The following MOGS variants were observed in gnomAD, a reference collection of about 807,000 sequenced individuals.
MOGS encodes the protein epididymis secretory sperm binding protein.
Under a neutral mutation model 68.5 loss-of-function variants are expected in MOGS, and 45 were observed. The ratio of observed to expected loss-of-function variants is 0.66; its 90% CI spans 0.52 to 0.84. The LOEUF is 0.84. Among genes scored for constraint, MOGS ranks in the 40% least tolerant of loss-of-function variants. The pLI is 0.00. For synonymous variants in MOGS, 492 were observed against 461.2 expected (o/e 1.07, Z -0.86); for missense variants, 1,020 against 1,095.0 (o/e 0.93, Z 0.97).
In MOGS at chr2:74,461,773, G is replaced by A. The variant is rs753542237; in HGVS notation, c.2016C>T (p.Leu672=). The change falls in exon 4 of 4, where the codon CTC becomes CTT. Residue 672 remains leucine (L), a synonymous_variant. Coordinates refer to ENST00000448666, the MANE Select transcript of MOGS (RefSeq NM_006302.3). ...VQLKPRPPQG[L]VRVVGRPQPQ... is the part of the protein sequence containing the mutation. ...GTTGGGGCCGACCCACCACCCGAAC[G>A]AGCCCCTGAGGGGGCCTGGGCTTCA... is the stretch of plus-strand genomic sequence containing the variant. 35 of 1,614,074 alleles carry A rather than the reference G, an allele frequency of 2.2e-5. No homozygotes were observed. The highest frequency in any genetic ancestry group is 6.7e-5 in the East Asian group (3 of 44,900).
intron 2 of MOGS, among the ~76,000 whole-genome samples, chr2:74,463,985 GT>G (rs1209292279): frequency 7.2e-6 from 1 of 139,390 alleles, no homozygotes; most frequent in Non-Finnish European, 1.5e-5. Context: ...TTGAGATGGA[GT>G]TTTGCTCTTG....
At position 74,461,804 on chromosome 2, in the gene MOGS, A is replaced by G; in HGVS notation, c.1985T>C (p.Val662Ala). The G allele has an allele frequency of 2.5e-6, 4 of 1,614,192 alleles. No individual in the cohort carries two copies. Among genetic ancestry groups the G allele is most frequent in the South Asian group, 1.1e-5 (1 of 91,086 alleles). ...FADFGNHTKA[V>A]QLKPRPPQGL... ...CTGAGGGGGCCTGGGCTTCAGCTGT[A>G]CTGCTTTTGTGTGGTTCCCAAAGTC... is the stretch of plus-strand genomic sequence containing the variant. The change falls in exon 4 of 4, where the codon GTA (valine) becomes GCA (alanine). Residue 662 changes from valine to alanine, a missense_variant. Val to Ala is a moderately conservative substitution (Grantham distance 64). This residue lies in a region of MOGS where 270 missense variants were observed against 261.3 expected (regional missense o/e 1.03). Coordinates refer to ENST00000448666, the MANE Select transcript of MOGS (RefSeq NM_006302.3).
Position 74,465,065 on chromosome 2 carries a change from C to G in MOGS, c.183G>C (p.Trp61Cys). ...GCCGCGCACGGTACCACGCCAGCAC[C>G]CAGCGCCCCGACATACCCAGGGCCA... Reference protein sequence around the residue: ...LSLALGMSGRWVLAWYRARRA... With the variant: ...LSLALGMSGRCVLAWYRARRA... The change falls in exon 1 of 4, where the codon TGG (tryptophan) becomes TGC (cysteine). Residue 61 changes from tryptophan to cysteine, a missense_variant. Around this residue, in one of 3 missense-constraint regions of MOGS, gnomAD observed 569 missense variants for 571.9 expected, o/e 0.99. Coordinates refer to ENST00000448666, the MANE Select transcript of MOGS (RefSeq NM_006302.3). 1 of 1,555,996 alleles carries G rather than the reference C, an allele frequency of 6.4e-7. No homozygotes were observed. Among genetic ancestry groups the G allele is most frequent in the Non-Finnish European group, 8.7e-7 (1 of 1,151,558 alleles).
intron 1 of MOGS, 45 bp from the exon 2 acceptor site, chr2:74,464,767 C>G (rs1183933156): frequency 1.3e-5 from 20 of 1,586,670 alleles, no homozygotes; most frequent in Non-Finnish European, 1.6e-5. Flanking sequence ...GGGGACCTGT[C>G]CCTCCGGGTC....
intron 1 of MOGS, 34 bp from the exon 2 acceptor site, chr2:74,464,756 A>AG: frequency 1.1e-5 from 18 of 1,598,448 alleles, no homozygotes; most frequent in Non-Finnish European, 1.5e-5. Context: ...GTCAAAGAGC[A>AG]GGGGACCTGT....
In MOGS at chr2:74,463,015, T is replaced by C; in HGVS notation, c.777-3A>G. ...TGGAGGTCCAGAAGACATTGTAGCTTGAAGGGGAGAAGATAAATAGGAAAT... is the reference window on the plus strand; with the variant it reads ...TGGAGGTCCAGAAGACATTGTAGCTCGAAGGGGAGAAGATAAATAGGAAAT... On this transcript the variant is annotated splice_polypyrimidine_tract_variant and splice_region_variant and intron_variant, in intron 3 of 3. Transcript: ENST00000448666. 6.2e-7 allele frequency: 1 copy of C among 1,613,890 alleles called. No individual in the cohort carries two copies. The highest frequency in any genetic ancestry group is 8.5e-7 in the Non-Finnish European group (1 of 1,179,996).
In MOGS at chr2:74,463,094, A is replaced by G; in HGVS notation, c.777-82T>C. 4 of 1,610,158 alleles carry G rather than the reference A, an allele frequency of 2.5e-6. No homozygotes were observed. In the Admixed American group the frequency reaches 5.0e-5, roughly 20 times the overall value. On this transcript the variant is annotated intron_variant, in intron 3 of 3. Coordinates refer to ENST00000448666, the MANE Select transcript of MOGS (RefSeq NM_006302.3). ...TAAAGAGAAATACAAAGTGTTCAGGAGTCAGGTTGGGAGGTCTCAGGCAGG... is the reference window on the plus strand; with the variant it reads ...TAAAGAGAAATACAAAGTGTTCAGGGGTCAGGTTGGGAGGTCTCAGGCAGG...
In MOGS at chr2:74,463,251, C is replaced by T. The variant is rs1063588; in HGVS notation, c.715G>A (p.Asp239Asn). The change falls in exon 3 of 4, where the codon GAC becomes AAC. Residue 239 changes from aspartate (D) to asparagine (N), a missense_variant. Physicochemically the swap from Asp to Asn is conservative, Grantham distance 23. Coordinates refer to ENST00000448666, the MANE Select transcript of MOGS (RefSeq NM_006302.3). The stretch of plus-strand genomic sequence containing the variant: ...GGTGGCAAAAGTGTAAAGCGGAAGT[C>T]ACCAAGTTCACTGGTGTGCCCACTG... Reference protein sequence around the residue: ...FISGHTSELGDFRFTLLPPTS... With the variant: ...FISGHTSELGNFRFTLLPPTS... The T allele has an allele frequency of 0.2, 320,491 of 1,613,850 alleles. 55,428 individuals are homozygous for T. The highest frequency in any genetic ancestry group is 0.83 in the East Asian group (37,340 of 44,860).
rs775230292 is a variant in MOGS, at chr2:74,465,222, C to T, written c.26G>A (p.Arg9His). Residue 9 changes from arginine to histidine, a missense_variant, in exon 1 of 4, where the codon CGC becomes CAC. Transcript: ENST00000448666. MARGERRR[R>H]AVPAEGVRTA... ...CCGCACTCCCTCTGCCGGCACTGCG[C>T]GGCGCCGCCGCTCGCCCCGAGCCAT... 78 of 1,450,412 alleles carry T rather than the reference C, an allele frequency of 5.4e-5. No homozygotes were observed. Among genetic ancestry groups the T allele is most frequent in the Non-Finnish European group, 6.8e-5 (76 of 1,118,040 alleles). 89.8% of individuals were successfully genotyped at this position (1,450,412 alleles called of 1,614,324 possible). A position where few individuals can be genotyped will look rare whatever the true frequency, so the allele number is the denominator to read the frequency against.
In MOGS at chr2:74,461,760, C is replaced by A. The variant is rs775709543; in HGVS notation, c.2029G>T (p.Gly677Cys). The A allele has an allele frequency of 6.2e-7, 1 of 1,614,202 alleles. No homozygotes were observed. The highest frequency in any genetic ancestry group is 1.1e-5 in the South Asian group (1 of 91,086). The change falls in exon 4 of 4, where the codon GGT (glycine) becomes TGT (cysteine). Residue 677 changes from glycine to cysteine, a missense_variant. Coordinates refer to ENST00000448666, the MANE Select transcript of MOGS (RefSeq NM_006302.3). ...RPPQGLVRVV[G>C]RPQPQLQYVD... ...TACTGCAGTTGAGGTTGGGGCCGACCCACCACCCGAACGAGCCCCTGAGGG... is the reference window on the plus strand; with the variant it reads ...TACTGCAGTTGAGGTTGGGGCCGACACACCACCCGAACGAGCCCCTGAGGG...
chr2:74,464,637 A>G lies in MOGS; in HGVS notation c.438T>C (p.Tyr146=), dbSNP rs564500748. 1.7e-5 allele frequency: 27 copies of G among 1,614,120 alleles called. No homozygotes were observed. Among genetic ancestry groups the G allele is most frequent in the Non-Finnish European group, 2.5e-6 (3 of 1,180,042 alleles). Residue 146 remains tyrosine (Y), a synonymous_variant, in exon 2 of 4, where the codon TAT becomes TAC. Transcript: ENST00000448666. ...AGAGGCCGTCGTGGAACTCCCAGCC[A>G]TAGGGACCCACACCGTCCCCCTGCT... ...TCEQGDGVGP[Y]GWEFHDGLSF...
rs769035468 is a variant in MOGS at position 74,462,569 on chromosome 2, C to T, written c.1220G>A (p.Gly407Glu). 1 of 1,613,212 alleles carries T rather than the reference C, an allele frequency of 6.2e-7. No homozygotes were observed. The highest frequency in any genetic ancestry group is 2.2e-5 in the East Asian group (1 of 44,884). ...GLLGGIGYFY[G>E]QGLVLPDIGV... ...GATGTCTGGCAATACCAGCCCTTGTCCGTAGAAGTAGCCAATTCCACCAAG... is the reference window on the plus strand; with the variant it reads ...GATGTCTGGCAATACCAGCCCTTGTTCGTAGAAGTAGCCAATTCCACCAAG... The change falls in exon 4 of 4, where the codon GGA becomes GAA. Residue 407 changes from glycine to glutamate, a missense_variant. Physicochemically the swap from Gly to Glu is moderately conservative, Grantham distance 98. Coordinates refer to ENST00000448666, the MANE Select transcript of MOGS (RefSeq NM_006302.3).
chr2:74,463,621 C>T (rs1039781433), intron 2 of MOGS: 1 of 543,686 alleles, frequency 1.8e-6, no homozygotes, highest in Non-Finnish European at 3.3e-6. Flanking sequence ...TGTACTATGT[C>T]CTACACTAAG....
Position 74,465,337 on chromosome 2 carries a change from C to A in MOGS, c.-90G>T. 1.2e-6 allele frequency: 1 copy of A among 818,736 alleles called. No homozygotes were observed. The highest frequency in any genetic ancestry group is 1.7e-6 in the Non-Finnish European group (1 of 589,210). 50.7% of individuals were successfully genotyped at this position (818,736 alleles called of 1,614,324 possible). The stretch of plus-strand genomic sequence containing the variant: ...ACCTCTCCGGCTCCCGCCTCTCGCC[C>A]TGGCGACCACCGTCCGGTTAGCGAC... On this transcript the variant is annotated 5_prime_UTR_variant, in exon 1 of 4. It adds an upstream start codon to the 5' untranslated region. Transcript: ENST00000448666.
Position 74,461,889 on chromosome 2 carries a change from G to A in MOGS, c.1900C>T (p.Leu634=), listed in dbSNP as rs1461004519. 3 of 1,614,100 alleles carry A rather than the reference G, an allele frequency of 1.9e-6. No individual in the cohort carries two copies. The highest frequency in any genetic ancestry group is 1.7e-5 in the Admixed American group (1 of 60,030). Residue 634 remains leucine, a synonymous_variant, in exon 4 of 4, where the codon CTG becomes TTG. Transcript: ENST00000448666. Reference sequence around the variant, plus strand: ...TCATCCAGGCTCTCTGCTGCCTCCAGTGAGGCAGCCAGTGGGCCCAGCTCA... The same window carrying A: ...TCATCCAGGCTCTCTGCTGCCTCCAATGAGGCAGCCAGTGGGCCCAGCTCA... ...AAELGPLAAS[L]EAAESLDELH... is the part of the protein sequence containing the mutation.
rs988774165 is a variant in MOGS, at chr2:74,461,267, C to T, written c.*8G>A. On this transcript the variant is annotated 3_prime_UTR_variant, in exon 4 of 4. Transcript: ENST00000448666. ...ATGAGTGTCTTGGCTCCCCTCCTCT[C>T]CCTCCCTTCAGTAGTCTTCAGCCAT... 1.2e-6 allele frequency: 2 copies of T among 1,613,896 alleles called. No homozygotes were observed. The highest frequency in any genetic ancestry group is 1.7e-6 in the Non-Finnish European group (2 of 1,180,030).
Position 74,463,365 on chromosome 2 carries a change from G to T in MOGS, c.601C>A (p.Pro201Thr), listed in dbSNP as rs1467726910. The T allele has an allele frequency of 6.2e-7, 1 of 1,614,074 alleles. No individual in the cohort carries two copies. The highest frequency in any genetic ancestry group is 1.3e-5 in the African/African-American group (1 of 74,914). ...ACATAGAAGAACAGGGAGACCAAAGGGAGGGCAGAAGTACCTGAGTCCTGA... is the reference window on the plus strand; with the variant it reads ...ACATAGAAGAACAGGGAGACCAAAGTGAGGGCAGAAGTACCTGAGTCCTGA... The part of the protein sequence containing the change: ...EPQDSGTSAL[P>T]LVSLFFYVVT... The change falls in exon 3 of 4, where the codon CCT (proline) becomes ACT (threonine). Residue 201 changes from proline to threonine, a missense_variant. Pro to Thr is a conservative substitution (Grantham distance 38, BLOSUM62 -1). Around this residue, in one of 3 missense-constraint regions of MOGS, gnomAD observed 569 missense variants for 571.9 expected, o/e 0.99. Transcript: ENST00000448666.
In MOGS at chr2:74,465,304, C is replaced by T; in HGVS notation, c.-57G>A. 7.9e-7 allele frequency: 1 copy of T among 1,273,016 alleles called. No individual in the cohort carries two copies. The allele number at this position is 1,273,016 out of a possible 1,614,324, so 78.9% of individuals were successfully genotyped here. On this transcript the variant is annotated 5_prime_UTR_variant, in exon 1 of 4. Transcript: ENST00000448666. The stretch of plus-strand genomic sequence containing the variant: ...GGAGAGGCGGCAGTGGAGCCCGGGT[C>T]CTGCCTCACCTCTCCGGCTCCCGCC...
In MOGS at chr2:74,462,259, G is replaced by A. The variant is rs1671934760; in HGVS notation, c.1530C>T (p.Ala510=). ...CAGGCAAAAGTAGGGTTGGGGGGTTGGCGTGGACTGCTCGTTGTACTAGGA... is the reference window on the plus strand; with the variant it reads ...CAGGCAAAAGTAGGGTTGGGGGGTTAGCGTGGACTGCTCGTTGTACTAGGA... ...PEFLVQRAVH[A]NPPTLLLPVA... Residue 510 remains alanine, a synonymous_variant, in exon 4 of 4, where the codon GCC becomes GCT. Transcript: ENST00000448666. 1.2e-6 allele frequency: 2 copies of A among 1,614,032 alleles called. No homozygotes were observed.
Sources: allele counts gnomAD v4.1 joint callset (sites outside exome capture counted in the v4.1 genomes callset), GRCh38; gene constraint gnomAD v4.1.1; regional missense constraint gnomAD v4.1.1; transcripts MANE v1.5; gene names NCBI Gene and HGNC (gene_info 2026-07-23, HGNC 2026-07-21).